Variants in RBFOX1 observed in about 807,000 individuals in gnomAD.
RBFOX1 encodes the protein RNA binding protein fox-1 homolog 1.
A neutral mutation model predicts 57.7 loss-of-function variants in RBFOX1; 8 were observed. The observed-to-expected ratio is 0.14, with a 90% CI of 0.08 to 0.25. The LOEUF (loss-of-function observed/expected upper bound fraction) is 0.25. RBFOX1 is among the 10% of genes least tolerant of loss of function. RBFOX1 has a pLI of 1.00. For missense variants in RBFOX1, 611 were observed against 548.5 expected (o/e 1.11, Z -1.14); for synonymous variants, 326 against 222.4 (o/e 1.47, Z -4.15).
At chr16:6,792,783 C>T (rs8045230) in intron 3 of RBFOX1, among the ~76,000 whole-genome samples, 46,491 of 151,978 alleles carry the variant, frequency 0.31, 7,958 homozygotes, top group Non-Finnish European at 0.4. Flanking sequence ...GTAATCCCAG[C>T]ACTCTGGGAG....
intron 3 of RBFOX1, among the ~76,000 whole-genome samples, chr16:6,741,680 A>T (rs1369423209): frequency 6.6e-6 from 1 of 152,072 alleles, no homozygotes; most frequent in Non-Finnish European, 1.5e-5. Flanking sequence ...AAAAAAAAAA[A>T]AAAATTAAGG....
intron 3 of RBFOX1, among the ~76,000 whole-genome samples, chr16:5,667,967 G>T (rs1035966385): frequency 2.6e-5 from 4 of 151,994 alleles, no homozygotes; most frequent in African/African-American, 9.7e-5. Context: ...CAGTTGCCCT[G>T]GTTGGCTTCT....
At chr16:7,400,813 G>C (rs937993127) in intron 4 of RBFOX1, among the ~76,000 whole-genome samples, 2 of 152,186 alleles carry the variant, frequency 1.3e-5, no homozygotes, top group South Asian at 2.1e-4. Context: ...GGAGGAGTCA[G>C]TGTCCACAAT....
At chr16:6,205,147 T>G (rs1286204710) in intron 1 of RBFOX1, among the ~76,000 whole-genome samples, 1 of 152,214 alleles carries the variant, frequency 6.6e-6, no homozygotes, top group Non-Finnish European at 1.5e-5. Context: ...ATTGCATTAG[T>G]GTGCTAGCAA....
At chr16:6,886,087 G>A (rs779760719) in intron 3 of RBFOX1, among the ~76,000 whole-genome samples, 1 of 147,948 alleles carries the variant, frequency 6.8e-6, no homozygotes, top group South Asian at 2.2e-4. Context: ...TTTTGAGACG[G>A]AGTCTCGCTC....
chr16:5,959,290 C>G (rs966275038), intron 4 of RBFOX1, among the ~76,000 whole-genome samples: 1 of 152,194 alleles, frequency 6.6e-6, no homozygotes. Context: ...TGGATGCTCC[C>G]AGCCCACTTT....
intron 4 of RBFOX1, among the ~76,000 whole-genome samples, chr16:7,166,571 G>C (rs2079547271): frequency 6.6e-6 from 1 of 152,190 alleles, no homozygotes; most frequent in African/African-American, 2.4e-5. Context: ...GTTAAGGACA[G>C]CCTCGTCATC....
intron 2 of RBFOX1, among the ~76,000 whole-genome samples, chr16:6,445,561 CTTTTTTT>C (rs374322471): frequency 1.7e-5 from 2 of 114,868 alleles, no homozygotes; most frequent in Non-Finnish European, 3.4e-5. Context: ...CTCTGAACTC[CTTTTTTT>C]TTTTTTTTTT....
At chr16:6,364,265 T>G (rs1050584066) in intron 2 of RBFOX1, among the ~76,000 whole-genome samples, 39 of 152,352 alleles carry the variant, frequency 2.6e-4, no homozygotes, top group Non-Finnish European at 4.4e-4. Context: ...TTTACCTGAT[T>G]AAAGCTGGTT....
chr16:5,938,660 G>A (rs2059217613), intron 4 of RBFOX1, among the ~76,000 whole-genome samples: 1 of 152,078 alleles, frequency 6.6e-6, no homozygotes, highest in Non-Finnish European at 1.5e-5. Flanking sequence ...TTTTACACCT[G>A]GGGTCATTTT....
At chr16:7,043,544 A>G (rs754075477) in intron 3 of RBFOX1, among the ~76,000 whole-genome samples, 2 of 152,202 alleles carry the variant, frequency 1.3e-5, no homozygotes, top group Non-Finnish European at 2.9e-5. Flanking sequence ...GTTTATAATG[A>G]TTACAAAAAC....
intron 4 of RBFOX1, among the ~76,000 whole-genome samples, chr16:7,387,438 A>G (rs8051460): frequency 0.034 from 5,164 of 152,282 alleles, 167 homozygotes; most frequent in South Asian, 0.082. Context: ...ATATTCATTC[A>G]TATACCCCTG....
intron 1 of RBFOX1, among the ~76,000 whole-genome samples, chr16:5,450,750 A>G (rs1233022481): frequency 6.6e-6 from 1 of 152,184 alleles, no homozygotes; most frequent in Non-Finnish European, 1.5e-5. Context: ...GACTTTGGGC[A>G]GGAGTTGCTG....
intron 2 of RBFOX1, among the ~76,000 whole-genome samples, chr16:5,587,568 C>T (rs2046873735): frequency 6.6e-6 from 1 of 152,164 alleles, no homozygotes; most frequent in Non-Finnish European, 1.5e-5. Flanking sequence ...CAAAAATTGG[C>T]CAGGCCTGGT....
At chr16:5,605,634 G>T (rs778931983) in intron 3 of RBFOX1, among the ~76,000 whole-genome samples, 1 of 151,526 alleles carries the variant, frequency 6.6e-6, no homozygotes, top group Non-Finnish European at 1.5e-5. Flanking sequence ...GGGGAGAGTG[G>T]TGCCATTGAT....
At chr16:6,664,468 C>G (rs940177351) in intron 3 of RBFOX1, among the ~76,000 whole-genome samples, 1 of 152,140 alleles carries the variant, frequency 6.6e-6, no homozygotes, top group Non-Finnish European at 1.5e-5. Flanking sequence ...TGCCTCAGCT[C>G]CTTTGCTCAG....
At chr16:7,029,079 TATAC>T (rs56187245) in intron 3 of RBFOX1, among the ~76,000 whole-genome samples, 222 of 36,892 alleles carry the variant, frequency 6.0e-3, no homozygotes, top group Middle Eastern at 0.011. Context: ...TATATATATA[TATAC>T]ACACACACAC....
At chr16:5,455,397 G>C (rs2068598716) in intron 1 of RBFOX1, among the ~76,000 whole-genome samples, 1 of 152,074 alleles carries the variant, frequency 6.6e-6, no homozygotes, top group African/African-American at 2.4e-5. Flanking sequence ...ATACTCTGCT[G>C]GTTGAAGCAG....
Position 6,450,763 on chromosome 16 carries a change from ATGTG to A in RBFOX1, c.-64+133708_-64+133711del, listed in dbSNP as rs1176763687. 4.5e-4 allele frequency among the ~76,000 whole-genome samples: 16 copies of A among 35,380 alleles called. 1 individual carries two copies. The highest frequency in any genetic ancestry group is 1.1e-3 in the South Asian group (1 of 928). The allele number at this position is 35,380 out of a possible 152,430, so 23.2% of individuals were successfully genotyped here. ...ATTTTATATATATATACATATATAT[ATGTG>A]TATATATATATATATATATATACAT... On this transcript the variant is annotated intron_variant, in intron 2 of 15. Coordinates refer to ENST00000550418, the MANE Select transcript of RBFOX1 (RefSeq NM_018723.4).
Sources: allele counts gnomAD v4.1 joint callset (sites outside exome capture counted in the v4.1 genomes callset), GRCh38; gene constraint gnomAD v4.1.1; transcripts MANE v1.5; gene names NCBI Gene and HGNC (gene_info 2026-07-23, HGNC 2026-07-21).